LGALS7B: variants seen among roughly 807,000 people sequenced by gnomAD.
LGALS7B encodes the protein galectin-7.
In LGALS7B, 1 loss-of-function variant was observed where a neutral mutation model predicts 7.6. The ratio of observed to expected loss-of-function variants is 0.13; its 90% confidence interval spans 0.05 to 0.62. The LOEUF (loss-of-function observed/expected upper bound fraction) is 0.62, where lower values mean the gene tolerates loss of function less well. LGALS7B is among the 20% of genes least tolerant of loss of function. LGALS7B has a pLI of 0.87. For missense variants in LGALS7B, 17 were observed against 109.4 expected (o/e 0.16, Z 3.77); for synonymous variants, 7 against 49.6 (o/e 0.14, Z 3.61).
At chr19:38,790,617 T>A (rs1471833403) in intron 2 of LGALS7B, 72 bp from the exon 3 acceptor site, 1 of 1,508,760 alleles carries the variant, frequency 6.6e-7, no homozygotes, top group Non-Finnish European at 9.1e-7. Flanking sequence ...TAGACATCGG[T>A]ATTCCTCACC....
chr19:38,791,053 C>G (rs200536360), intron 3 of LGALS7B, among the ~76,000 whole-genome samples, 163 bp downstream of exon 3: 21,357 of 106,028 alleles, frequency 0.2, 564 homozygotes, highest in Middle Eastern at 0.38. Flanking sequence ...GACCCTCTCT[C>G]TCGCCTAAAC....
At chr19:38,790,430 G>A (rs1185919286) in intron 2 of LGALS7B, 1 of 590,810 alleles carries the variant, frequency 1.7e-6, no homozygotes. Flanking sequence ...GGCGGTTTAT[G>A]TTTTGTTTGT....
chr19:38,790,244 G>A (rs1971251653), intron 2 of LGALS7B, among the ~76,000 whole-genome samples: 1 of 151,204 alleles, frequency 6.6e-6, no homozygotes, highest in Non-Finnish European at 1.5e-5. Context: ...AGTTTGGTCT[G>A]GGTAGGTTTC....
rs1971256249 is a variant in LGALS7B, at chr19:38,790,701, C to T, written c.108C>T (p.Asn36=). 2 of 1,613,638 alleles carry T rather than the reference C, an allele frequency of 1.2e-6. No individual in the cohort carries two copies. The highest frequency in any genetic ancestry group is 2.2e-5 in the South Asian group (2 of 90,978). ...VPPNASRFHV[N]LLCGEEQGSD... The stretch of plus-strand genomic sequence containing the variant: ...CCCCCTCTTCCAGGTTCCATGTAAA[C>T]CTGCTGTGCGGGGAGGAGCAGGGCT... Residue 36 remains asparagine, a synonymous_variant, in exon 3 of 4, where the codon AAC becomes AAT. Coordinates refer to ENST00000314980, the MANE Select transcript of LGALS7B (RefSeq NM_001042507.4).
At chr19:38,790,421 G>C (rs1971253303) in intron 2 of LGALS7B, 2 of 593,220 alleles carry the variant, frequency 3.4e-6, no homozygotes, top group African/African-American at 3.7e-5. Context: ...TTTGGTCTGG[G>C]CGGTTTATGT....
intron 2 of LGALS7B, chr19:38,790,384 G>C: frequency 1.8e-6 from 1 of 571,252 alleles, no homozygotes; most frequent in Admixed American, 3.1e-5. Context: ...TCTGGGAATG[G>C]GGAGTGCCAG....
intron 3 of LGALS7B, among the ~76,000 whole-genome samples, 180 bp from the exon 4 acceptor site, chr19:38,791,400 T>TA (rs1002388033): frequency 6.7e-6 from 1 of 149,074 alleles, no homozygotes; most frequent in African/African-American, 2.4e-5. Context: ...TTACCAGCAC[T>TA]AAAAAAGCCG....
rs779002239 is a variant in LGALS7B at position 38,790,773 on chromosome 19, G to A, written c.180G>A (p.Val60=). ...HFNPRLDTSE[V]VFNSKEQGSW... is the part of the protein sequence containing the mutation. ...ACCCCCGGCTGGACACGTCGGAGGT[G>A]GTCTTCAACAGCAAGGAGCAAGGCT... The change falls in exon 3 of 4, where the codon GTG becomes GTA. Residue 60 remains valine (V), a synonymous_variant. Coordinates refer to ENST00000314980, the MANE Select transcript of LGALS7B (RefSeq NM_001042507.4). 1 of 1,611,724 alleles carries A rather than the reference G, an allele frequency of 6.2e-7. No homozygotes were observed. Among genetic ancestry groups the A allele is most frequent in the Non-Finnish European group, 8.5e-7 (1 of 1,179,482 alleles).
chr19:38,790,338 G>C (rs1428351628), intron 2 of LGALS7B, among the ~76,000 whole-genome samples: 2 of 152,230 alleles, frequency 1.3e-5, no homozygotes, highest in African/African-American at 4.8e-5. Context: ...TCTGCGGTGT[G>C]TGCCTGTCTT....
chr19:38,791,470 A>T (rs1971264739), intron 3 of LGALS7B, 110 bp from the exon 4 acceptor site: 1 of 581,564 alleles, frequency 1.7e-6, no homozygotes, highest in Non-Finnish European at 3.1e-6. Context: ...AGAATGAACA[A>T]TAGCCCCATT....
intron 2 of LGALS7B, chr19:38,790,452 T>C: frequency 1.7e-6 from 1 of 605,570 alleles, no homozygotes; most frequent in Non-Finnish European, 3.0e-6. Flanking sequence ...CTTTCGTTTT[T>C]TTGTAAGGTG....
Position 38,790,808 on chromosome 19 carries a change from G to A in LGALS7B, c.215G>A (p.Arg72His), listed in dbSNP as rs770777524. 1.2e-5 allele frequency: 20 copies of A among 1,609,682 alleles called. No individual in the cohort carries two copies. The highest frequency in any genetic ancestry group is 1.7e-5 in the Non-Finnish European group (20 of 1,178,870). The change falls in exon 3 of 4, where the codon CGC becomes CAC. Residue 72 changes from arginine (R) to histidine (H), a missense_variant. Arg to His is a conservative substitution (Grantham distance 29, BLOSUM62 0). This residue lies in a region of LGALS7B where 17 missense variants were observed against 53.9 expected (regional missense o/e 0.32). Coordinates refer to ENST00000314980, the MANE Select transcript of LGALS7B (RefSeq NM_001042507.4). ...FNSKEQGSWG[R>H]EERGPGVPFQ... is the part of the protein sequence containing the mutation. ...AGCAAGGAGCAAGGCTCCTGGGGCC[G>A]CGAGGAGCGCGGGCCGGGCGTTCCT...
chr19:38,791,117 GCAC>G (rs879779056), intron 3 of LGALS7B, among the ~76,000 whole-genome samples: 9,987 of 112,324 alleles, frequency 0.089, 19 homozygotes, highest in African/African-American at 0.16. Flanking sequence ...GACGAGGCGA[GCAC>G]CAGCCAAGTG....
At chr19:38,791,091 G>GA (rs1971261402) in intron 3 of LGALS7B, among the ~76,000 whole-genome samples, 1 of 115,690 alleles carries the variant, frequency 8.6e-6, no homozygotes, top group Non-Finnish European at 1.8e-5. Context: ...GAGGGACAGA[G>GA]AGACAGCAGG....
chr19:38,791,522 TC>T, intron 3 of LGALS7B, 57 bp from the exon 4 acceptor site: 1 of 513,776 alleles, frequency 1.9e-6, no homozygotes, highest in Non-Finnish European at 3.4e-6. Context: ...ATGAGTGATT[TC>T]CCCAGGGCCA....
At position 38,790,754 on chromosome 19, in the gene LGALS7B, G is replaced by A. The variant is rs367816015; in HGVS notation, c.161G>A (p.Arg54Gln). ...GSDAALHFNP[R>Q]LDTSEVVFNS... is the part of the protein sequence containing the mutation. The stretch of plus-strand genomic sequence containing the variant: ...GATGCCGCCCTGCATTTCAACCCCC[G>A]GCTGGACACGTCGGAGGTGGTCTTC... Residue 54 changes from arginine (R) to glutamine (Q), a missense_variant, in exon 3 of 4, where the codon CGG becomes CAG. By Grantham distance (43) the Arg-to-Gln change is conservative. Around this residue, in one of 2 missense-constraint regions of LGALS7B, gnomAD observed 17 missense variants for 53.9 expected, o/e 0.32. Transcript: ENST00000314980. 1.7e-5 allele frequency: 28 copies of A among 1,610,958 alleles called. No individual in the cohort carries two copies. Among genetic ancestry groups the A allele is most frequent in the Non-Finnish European group, 2.1e-5 (25 of 1,178,998 alleles).
intron 3 of LGALS7B, among the ~76,000 whole-genome samples, chr19:38,791,124 CCAAG>C (rs879593308): frequency 0.091 from 10,017 of 110,450 alleles, 18 homozygotes; most frequent in African/African-American, 0.16. Flanking sequence ...CGAGCACCAG[CCAAG>C]TGTCCAAGGG....
intron 3 of LGALS7B, 108 bp downstream of exon 3, chr19:38,790,998 AG>A: frequency 2.2e-6 from 2 of 896,714 alleles, no homozygotes; most frequent in Middle Eastern, 3.8e-4. Context: ...GGGCGGGGTG[AG>A]GGGGGTAGGG....
At position 38,790,454 on chromosome 19, in the gene LGALS7B, T is replaced by C. The variant is rs565064904; in HGVS notation, c.96-235T>C. ...TGTTTTGTTTGTTCTTTCGTTTTTT[T>C]GTAAGGTGGGGTCTCGCTATGTTGC... On this transcript the variant is annotated intron_variant, in intron 2 of 3. Transcript: ENST00000314980. The C allele has an allele frequency of 1.9e-3, 1,153 of 606,276 alleles. 4 individuals carry two copies. Among genetic ancestry groups the C allele is most frequent in the African/African-American group, 0.016 (852 of 54,030 alleles). 37.6% of individuals were successfully genotyped at this position (606,276 alleles called of 1,614,324 possible). A position where few individuals can be genotyped will look rare whatever the true frequency, so the allele number is the denominator to read the frequency against.
Sources: allele counts gnomAD v4.1 joint callset (sites outside exome capture counted in the v4.1 genomes callset), GRCh38; gene constraint gnomAD v4.1.1; regional missense constraint gnomAD v4.1.1; transcripts MANE v1.5; gene names NCBI Gene and HGNC (gene_info 2026-07-23, HGNC 2026-07-21).